CADM2: variants seen among roughly 807,000 people sequenced by gnomAD.
CADM2 encodes cell adhesion molecule 2.
A neutral mutation model predicts 49.8 loss-of-function variants in CADM2; 12 were observed. The ratio of observed to expected loss-of-function variants is 0.24; its 90% confidence interval spans 0.15 to 0.39. CADM2 has a LOEUF of 0.39. Ranked by LOEUF, CADM2 falls within the 10% of genes least tolerant of loss-of-function variation. CADM2 has a pLI of 1.00. For missense variants in CADM2, 378 were observed against 492.3 expected (o/e 0.77, Z 2.20); for synonymous variants, 214 against 175.4 (o/e 1.22, Z -1.74).
At chr3:85,601,130 G>GTGTGTA (rs1328015269) in intron 1 of CADM2, among the ~76,000 whole-genome samples, 323 of 109,470 alleles carry the variant, frequency 3.0e-3, no homozygotes, top group African/African-American at 0.013. Context: ...ATATATGTGT[G>GTGTGTA]TATATATATA....
intron 1 of CADM2, among the ~76,000 whole-genome samples, chr3:85,054,579 G>A (rs964454808): frequency 6.6e-6 from 1 of 151,886 alleles, no homozygotes; most frequent in African/African-American, 2.4e-5. Context: ...CTTCAGTAGA[G>A]CAGTTATGAG....
intron 1 of CADM2, among the ~76,000 whole-genome samples, chr3:85,150,298 G>A (rs965644913): frequency 1.3e-5 from 2 of 152,170 alleles, no homozygotes; most frequent in Non-Finnish European, 2.9e-5. Flanking sequence ...GACAGTCAGA[G>A]GAGGAATTCC....
intron 1 of CADM2, among the ~76,000 whole-genome samples, chr3:85,251,061 A>C (rs2042761210): frequency 6.6e-6 from 1 of 151,700 alleles, no homozygotes. Flanking sequence ...TAATTCTTTA[A>C]GAATTTATTT....
At chr3:85,237,870 A>G (rs573583933) in intron 1 of CADM2, among the ~76,000 whole-genome samples, 1 of 151,958 alleles carries the variant, frequency 6.6e-6, no homozygotes, top group South Asian at 2.1e-4. Flanking sequence ...TATATAATTA[A>G]TTGCCATTTT....
At chr3:85,769,671 C>CACATATAT (rs1018155939) in intron 2 of CADM2, among the ~76,000 whole-genome samples, 2 of 137,520 alleles carry the variant, frequency 1.5e-5, no homozygotes, top group African/African-American at 5.2e-5. Context: ...TATATATATA[C>CACATATAT]ACATATATAC....
chr3:85,940,164 CAAAAAAAAAAA>C (rs10527231), intron 7 of CADM2, among the ~76,000 whole-genome samples: 5 of 52,172 alleles, frequency 9.6e-5, no homozygotes, highest in South Asian at 9.2e-4. Flanking sequence ...ACTAAAAATA[CAAAAAAAAAAA>C]AAAAAAAAAA....
chr3:84,967,397 A>G (rs1412929207), intron 1 of CADM2, among the ~76,000 whole-genome samples: 1 of 152,178 alleles, frequency 6.6e-6, no homozygotes, highest in Non-Finnish European at 1.5e-5. Flanking sequence ...TGTCCATGAC[A>G]TTCATAACTT....
At chr3:85,013,055 A>G (rs2034071687) in intron 1 of CADM2, among the ~76,000 whole-genome samples, 2 of 151,778 alleles carry the variant, frequency 1.3e-5, no homozygotes, top group Non-Finnish European at 2.9e-5. Flanking sequence ...TGCAATGTTA[A>G]CTTACACATA....
chr3:85,318,515 T>C (rs115741571), intron 1 of CADM2, among the ~76,000 whole-genome samples: 1 of 151,876 alleles, frequency 6.6e-6, no homozygotes, highest in South Asian at 2.1e-4. Flanking sequence ...AGAAAAAAAA[T>C]TAATAGCAAC....
At chr3:86,028,818 T>C (rs1414597045) in intron 8 of CADM2, among the ~76,000 whole-genome samples, 1 of 152,156 alleles carries the variant, frequency 6.6e-6, no homozygotes, top group Non-Finnish European at 1.5e-5. Flanking sequence ...TAAAATGAGG[T>C]GATAATACCT....
At chr3:85,021,428 T>C (rs7627051) in intron 1 of CADM2, among the ~76,000 whole-genome samples, 25,571 of 151,758 alleles carry the variant, frequency 0.17, 2,488 homozygotes, top group African/African-American at 0.25. Flanking sequence ...AAGCCTGGCT[T>C]ATTCAAATAT....
At chr3:85,135,776 A>G (rs1329748838) in intron 1 of CADM2, among the ~76,000 whole-genome samples, 10 of 152,068 alleles carry the variant, frequency 6.6e-5, no homozygotes, top group African/African-American at 2.4e-4. Context: ...TTTAATTTAT[A>G]CATCCAGTTG....
intron 1 of CADM2, among the ~76,000 whole-genome samples, chr3:85,074,584 G>A (rs2036872060): frequency 6.6e-6 from 1 of 152,070 alleles, no homozygotes; most frequent in Non-Finnish European, 1.5e-5. Context: ...TGTTCAATAT[G>A]TTTCTGTTGA....
intron 1 of CADM2, among the ~76,000 whole-genome samples, chr3:85,711,023 G>A (rs914291024): frequency 6.6e-6 from 1 of 152,020 alleles, no homozygotes; most frequent in African/African-American, 2.4e-5. Flanking sequence ...TGAAAATCCT[G>A]AGAATTAATT....
At chr3:85,704,037 A>G (rs2066862737) in intron 1 of CADM2, among the ~76,000 whole-genome samples, 1 of 152,172 alleles carries the variant, frequency 6.6e-6, no homozygotes. Flanking sequence ...TGCTTTTTAT[A>G]AAGCTCAAGT....
intron 1 of CADM2, among the ~76,000 whole-genome samples, chr3:85,426,196 T>G (rs1183723112): frequency 2.0e-5 from 3 of 151,668 alleles, no homozygotes; most frequent in African/African-American, 7.3e-5. Flanking sequence ...GGCTTGAGAG[T>G]AGTGGCATGA....
rs1412989339 is a variant in CADM2, at chr3:85,488,788, C to T, written c.62-237734C>T. On this transcript the variant is annotated intron_variant, in intron 1 of 9. Coordinates refer to ENST00000383699, the MANE Select transcript of CADM2 (RefSeq NM_001167675.2). The stretch of plus-strand genomic sequence containing the variant: ...TCATGATCTGCTCTCCTCGGCCTCC[C>T]AAAGTGCTGGGATTACAGGCGTGAG... Among the ~76,000 whole-genome samples the T allele has an allele frequency of 2.0e-5, 3 of 152,108 alleles. No individual in the cohort carries two copies. In the East Asian group the frequency reaches 5.8e-4, roughly 29 times the overall value.
intron 1 of CADM2, among the ~76,000 whole-genome samples, chr3:85,310,342 C>T (rs189992281): frequency 1.3e-5 from 2 of 152,232 alleles, no homozygotes; most frequent in African/African-American, 4.8e-5. Flanking sequence ...CAATTCACAT[C>T]ATATATGTCA....
At chr3:85,618,728 T>C (rs1457232547) in intron 1 of CADM2, among the ~76,000 whole-genome samples, 3 of 152,118 alleles carry the variant, frequency 2.0e-5, no homozygotes, top group South Asian at 2.1e-4. Flanking sequence ...CTATGTTTTG[T>C]ATGTATAATT....
Sources: allele counts gnomAD v4.1 joint callset (sites outside exome capture counted in the v4.1 genomes callset), GRCh38; gene constraint gnomAD v4.1.1; transcripts MANE v1.5; gene names NCBI Gene and HGNC (gene_info 2026-07-23, HGNC 2026-07-21).